The following INPP4B variants were observed in gnomAD, a reference collection of about 807,000 sequenced individuals.
INPP4B encodes the protein inositol polyphosphate 4-phosphatase type II.
INPP4B carries 55 observed loss-of-function variants against 122.5 expected under a neutral mutation model. The ratio of observed to expected loss-of-function variants is 0.45; its 90% CI spans 0.36 to 0.56. The LOEUF is 0.56. INPP4B is among the 20% of genes least tolerant of loss of function. The pLI, the probability that INPP4B is intolerant of heterozygous loss-of-function variation, is 0.00. For missense variants in INPP4B, 1,000 were observed against 1,097.7 expected (o/e 0.91, Z 1.26); for synonymous variants, 403 against 388.7 (o/e 1.04, Z -0.43).
chr4:142,087,928 T>C (rs144661612), intron 23 of INPP4B, among the ~76,000 whole-genome samples: 1,676 of 152,156 alleles, frequency 0.011, 27 homozygotes, highest in African/African-American at 0.038. Flanking sequence ...TAGAGGAAGG[T>C]TGGGTACAAT....
At chr4:142,780,527 G>A (rs1415699718) in intron 1 of INPP4B, among the ~76,000 whole-genome samples, 4 of 152,054 alleles carry the variant, frequency 2.6e-5, no homozygotes, top group South Asian at 2.1e-4. Context: ...GGCCAGGCAC[G>A]GTGGCTCACA....
At chr4:142,483,232 G>C (rs1820797676) in intron 2 of INPP4B, among the ~76,000 whole-genome samples, 1 of 130,266 alleles carries the variant, frequency 7.7e-6, no homozygotes, top group Admixed American at 9.0e-5. Flanking sequence ...TCAATGCCAA[G>C]GGTCTCACAA....
At chr4:142,103,931 T>C (rs1251511771) in intron 23 of INPP4B, among the ~76,000 whole-genome samples, 1 of 152,040 alleles carries the variant, frequency 6.6e-6, no homozygotes, top group Non-Finnish European at 1.5e-5. Flanking sequence ...GATGAAACAC[T>C]ATATATAAAA....
At chr4:142,384,914 C>T (rs1024362956) in intron 7 of INPP4B, among the ~76,000 whole-genome samples, 6 of 152,144 alleles carry the variant, frequency 3.9e-5, no homozygotes, top group Non-Finnish European at 8.8e-5. Context: ...CATACGAGTT[C>T]CTGCAAAGGA....
intron 7 of INPP4B, among the ~76,000 whole-genome samples, chr4:142,357,297 G>T (rs888007052): frequency 9.9e-5 from 15 of 151,926 alleles, no homozygotes; most frequent in African/African-American, 3.6e-4. Flanking sequence ...CAGTCTTGTG[G>T]TACTGAGCCC....
chr4:142,635,886 T>C (rs1202257696), intron 2 of INPP4B, among the ~76,000 whole-genome samples: 2 of 152,160 alleles, frequency 1.3e-5, no homozygotes, highest in Non-Finnish European at 1.5e-5. Flanking sequence ...TAATAAGTTT[T>C]GAAAGATTTC....
chr4:142,740,085 T>C (rs935667419), intron 1 of INPP4B, among the ~76,000 whole-genome samples: 17 of 152,140 alleles, frequency 1.1e-4, no homozygotes, highest in Admixed American at 3.9e-4. Context: ...AAAAATTAGA[T>C]AAAATTAACT....
intron 16 of INPP4B, 42 bp downstream of exon 16, chr4:142,173,590 A>G (rs1331791030): frequency 5.2e-6 from 8 of 1,537,024 alleles, no homozygotes; most frequent in Non-Finnish European, 7.1e-6. Flanking sequence ...TGGGAATTTG[A>G]GTATTTCATT....
intron 9 of INPP4B, among the ~76,000 whole-genome samples, chr4:142,284,953 G>A (rs975445520): frequency 3.3e-5 from 5 of 152,034 alleles, no homozygotes; most frequent in African/African-American, 1.2e-4. Context: ...GGATAGCGGG[G>A]CACAGGAGTT....
chr4:142,435,514 C>T (rs1172358062), intron 3 of INPP4B, among the ~76,000 whole-genome samples: 1 of 151,064 alleles, frequency 6.6e-6, no homozygotes, highest in Non-Finnish European at 1.5e-5. Flanking sequence ...CAACTAGAAG[C>T]AGTGGTGATC....
chr4:142,253,737 C>T (rs548908963), intron 11 of INPP4B, among the ~76,000 whole-genome samples: 65 of 152,314 alleles, frequency 4.3e-4, no homozygotes, highest in African/African-American at 1.2e-3. Flanking sequence ...GCTAGCACAG[C>T]GGTCTGAGAT....
chr4:142,335,843 C>T (rs1253806584), intron 7 of INPP4B, among the ~76,000 whole-genome samples: 2 of 152,186 alleles, frequency 1.3e-5, no homozygotes, highest in Admixed American at 6.5e-5. Context: ...AGGAGACAGA[C>T]AAATTCCTCG....
intron 1 of INPP4B, among the ~76,000 whole-genome samples, chr4:142,817,932 T>C (rs958748949): frequency 2.6e-5 from 4 of 152,180 alleles, no homozygotes; most frequent in Non-Finnish European, 4.4e-5. Flanking sequence ...TGTGGTATTT[T>C]GCTTCCCTTT....
chr4:142,121,938 T>C (rs2152748705), intron 21 of INPP4B, among the ~76,000 whole-genome samples, 190 bp downstream of exon 21: 1 of 152,188 alleles, frequency 6.6e-6, no homozygotes, highest in Non-Finnish European at 1.5e-5. Context: ...AAAACATTCA[T>C]GAGACTTCCA....
intron 2 of INPP4B, among the ~76,000 whole-genome samples, chr4:142,682,706 C>G (rs775587016): frequency 1.8e-4 from 27 of 151,928 alleles, no homozygotes; most frequent in Non-Finnish European, 3.5e-4. Flanking sequence ...TGTCCTCCAT[C>G]CAGGGACTCT....
chr4:142,625,162 T>C (rs556609986), intron 2 of INPP4B, among the ~76,000 whole-genome samples: 1 of 151,276 alleles, frequency 6.6e-6, no homozygotes, highest in Non-Finnish European at 1.5e-5. Context: ...AAATAAAGGG[T>C]ATTCAATTAG....
intron 2 of INPP4B, among the ~76,000 whole-genome samples, chr4:142,463,142 G>T (rs993982286): frequency 6.6e-6 from 1 of 152,170 alleles, no homozygotes; most frequent in African/African-American, 2.4e-5. Context: ...GCTAGCTTCT[G>T]GGAGAAAACC....
intron 21 of INPP4B, among the ~76,000 whole-genome samples, chr4:142,114,749 GCTT>G (rs1369249539): frequency 6.6e-6 from 1 of 151,736 alleles, no homozygotes; most frequent in Non-Finnish European, 1.5e-5. Flanking sequence ...TTCTTTTGAT[GCTT>G]AAATGTTCAT....
At chr4:142,109,328 A>G (rs1021187405) in intron 22 of INPP4B, among the ~76,000 whole-genome samples, 1 of 152,212 alleles carries the variant, frequency 6.6e-6, no homozygotes, top group Non-Finnish European at 1.5e-5. Context: ...TACAAAAAAT[A>G]TTTAACATCA....
Sources: allele counts gnomAD v4.1 joint callset (sites outside exome capture counted in the v4.1 genomes callset), GRCh38; gene constraint gnomAD v4.1.1; transcripts MANE v1.5; gene names NCBI Gene and HGNC (gene_info 2026-07-23, HGNC 2026-07-21).